PIK3C2G: variants seen among roughly 807,000 people sequenced by gnomAD.
PIK3C2G encodes the protein phosphatidylinositol 3-kinase C2 domain-containing subunit gamma.
Under a neutral mutation model 181.1 loss-of-function variants are expected in PIK3C2G, and 168 were observed. The ratio of observed to expected loss-of-function variants is 0.93; its 90% CI spans 0.82 to 1.05. The LOEUF is 1.05. Ranked by LOEUF, PIK3C2G falls within the 50% of genes least tolerant of loss-of-function variation. The probability of loss-of-function intolerance (pLI) is 0.00; values close to 1 mark genes in which losing one functional copy is unlikely to be tolerated. For synonymous variants in PIK3C2G, 573 were observed against 592.2 expected (o/e 0.97, Z 0.47); for missense variants, 1,869 against 1,732.8 (o/e 1.08, Z -1.40).
chr12:18,255,002 G>A (rs1300051303), intron 1 of PIK3C2G, among the ~76,000 whole-genome samples: 6 of 151,960 alleles, frequency 3.9e-5, no homozygotes, highest in Non-Finnish European at 8.8e-5. Context: ...GCTGAGACGG[G>A]CAGATCACCT....
At chr12:18,391,879 G>GTT (rs773109144) in intron 15 of PIK3C2G, among the ~76,000 whole-genome samples, 23 of 148,194 alleles carry the variant, frequency 1.6e-4, no homozygotes, top group Non-Finnish European at 2.5e-4. Flanking sequence ...GCGTGTATGT[G>GTT]TGTGTGTGTG....
At chr12:18,722,263 T>C in the PIK3C2G span, among the ~76,000 whole-genome samples, 2 of 152,008 alleles carry the variant, frequency 1.3e-5, no homozygotes, top group Admixed American at 1.3e-4. Context: ...TAAGATATCC[T>C]TTTACATGCT....
the PIK3C2G span, among the ~76,000 whole-genome samples, chr12:18,674,453 A>G: frequency 1.3e-5 from 2 of 152,214 alleles, no homozygotes; most frequent in African/African-American, 4.8e-5. Flanking sequence ...TATGCCTGGC[A>G]CGTGATATTT....
At chr12:18,322,093 A>G (rs989086210) in intron 7 of PIK3C2G, among the ~76,000 whole-genome samples, 67 of 152,296 alleles carry the variant, frequency 4.4e-4, no homozygotes, top group African/African-American at 1.5e-3. Context: ...ACTTAAAATA[A>G]AATAAAATTG....
intron 18 of PIK3C2G, among the ~76,000 whole-genome samples, chr12:18,442,721 TAAC>T (rs1294339324): frequency 3.3e-5 from 5 of 152,170 alleles, no homozygotes; most frequent in African/African-American, 7.2e-5. Flanking sequence ...CTTCAGATAT[TAAC>T]AACATTTACA....
At chr12:18,342,919 T>C (rs1321675222) in intron 9 of PIK3C2G, among the ~76,000 whole-genome samples, 1 of 152,096 alleles carries the variant, frequency 6.6e-6, no homozygotes, top group Non-Finnish European at 1.5e-5. Flanking sequence ...TGTACTGATT[T>C]TGTCCACTTC....
In PIK3C2G at chr12:18,478,836, G is replaced by A. The variant is rs1043675922; in HGVS notation, c.2505-9613G>A. ...CAAAAAATTTAAAAATTACCCAGAC[G>A]TGGCGGCGCAAGCCTGTGGTCCCAG... On this transcript the variant is annotated intron_variant, in intron 18 of 32. Transcript: ENST00000538779. Among the ~76,000 whole-genome samples, 33 of 151,870 alleles carry A rather than the reference G, an allele frequency of 2.2e-4. 1 individual carries two copies. Among genetic ancestry groups the A allele is most frequent in the Admixed American group, 1.9e-3 (29 of 15,260 alleles).
intron 30 of PIK3C2G, chr12:18,607,227 A>T: frequency 2.0e-6 from 1 of 510,500 alleles, no homozygotes; most frequent in South Asian, 1.4e-5. Context: ...ATTTTAATTG[A>T]AAGGAATAAT....
At chr12:18,480,917 T>C (rs1476116859) in intron 18 of PIK3C2G, among the ~76,000 whole-genome samples, 3 of 151,796 alleles carry the variant, frequency 2.0e-5, no homozygotes, top group African/African-American at 7.3e-5. Flanking sequence ...CCCTTGAGTT[T>C]TTTATTTTTT....
chr12:18,325,390 C>A (rs1192751691), intron 8 of PIK3C2G, among the ~76,000 whole-genome samples: 1 of 152,040 alleles, frequency 6.6e-6, no homozygotes, highest in African/African-American at 2.4e-5. Context: ...TGTCTCCCAG[C>A]CAGAGACGGG....
the PIK3C2G span, among the ~76,000 whole-genome samples, chr12:18,686,064 T>A: frequency 1.3e-5 from 2 of 151,962 alleles, no homozygotes; most frequent in Non-Finnish European, 2.9e-5. Context: ...AGCTAAATCA[T>A]CTTAAAATTC....
chr12:18,282,561 A>C lies in PIK3C2G; in HGVS notation c.480A>C (p.Leu160Phe). ...ATAAAATTAATCTAGAGAAAGAATTAGAAAATGAAAATCATAACTACCATA... is the reference window on the plus strand; with the variant it reads ...ATAAAATTAATCTAGAGAAAGAATTCGAAAATGAAAATCATAACTACCATA... Reference protein sequence around the residue: ...SLDKINLEKELENENHNYHIG... With the variant: ...SLDKINLEKEFENENHNYHIG... The change falls in exon 2 of 33, where the codon TTA becomes TTC. Residue 160 changes from leucine (L) to phenylalanine (F), a missense_variant. Coordinates refer to ENST00000538779, the MANE Select transcript of PIK3C2G (RefSeq NM_001288772.2). 2 of 1,611,922 alleles carry C rather than the reference A, an allele frequency of 1.2e-6. No individual in the cohort carries two copies. The highest frequency in any genetic ancestry group is 1.7e-6 in the Non-Finnish European group (2 of 1,178,488).
chr12:18,692,873 A>C, the PIK3C2G span: 17 of 1,602,808 alleles, frequency 1.1e-5, no homozygotes, highest in Admixed American at 2.3e-4. Flanking sequence ...TACCAACTAC[A>C]GTGGGGAAAA....
At chr12:18,570,160 G>A (rs1237527661) in intron 29 of PIK3C2G, among the ~76,000 whole-genome samples, 3 of 151,706 alleles carry the variant, frequency 2.0e-5, no homozygotes, top group Non-Finnish European at 4.4e-5. Flanking sequence ...CCTTTATTCA[G>A]GTTTACAATG....
chr12:18,720,998 T>G, the PIK3C2G span, among the ~76,000 whole-genome samples: 3 of 152,062 alleles, frequency 2.0e-5, no homozygotes, highest in Non-Finnish European at 4.4e-5. Context: ...AATGAAATTT[T>G]TATAGGTATA....
intron 18 of PIK3C2G, among the ~76,000 whole-genome samples, chr12:18,447,127 T>C (rs1947071393): frequency 6.6e-6 from 1 of 152,192 alleles, no homozygotes; most frequent in Non-Finnish European, 1.5e-5. Context: ...AATATAAGAA[T>C]AGTCATGTTA....
chr12:18,376,947 A>T (rs891999076), intron 13 of PIK3C2G, among the ~76,000 whole-genome samples: 2 of 152,206 alleles, frequency 1.3e-5, no homozygotes, highest in Non-Finnish European at 2.9e-5. Flanking sequence ...CAGAATAATG[A>T]GCCAAGTAAA....
At chr12:18,475,131 A>G (rs774189660) in intron 18 of PIK3C2G, among the ~76,000 whole-genome samples, 26 of 152,268 alleles carry the variant, frequency 1.7e-4, no homozygotes, top group Non-Finnish European at 2.8e-4. Context: ...AATAAAAGCC[A>G]CCGATAGATT....
intron 11 of PIK3C2G, among the ~76,000 whole-genome samples, chr12:18,357,303 G>A (rs1346866222): frequency 2.0e-5 from 3 of 152,038 alleles, no homozygotes; most frequent in Non-Finnish European, 2.9e-5. Context: ...GTGTGGGTGT[G>A]TGTGTGTGTG....
Sources: gnomAD v4.1 joint callset for allele counts (sites outside exome capture counted in the v4.1 genomes callset) on GRCh38, gnomAD v4.1.1 for gene constraint, MANE v1.5 for transcripts, NCBI Gene and HGNC (gene_info 2026-07-23, HGNC 2026-07-21) for gene names.